The following ATP2B2 variants were observed in gnomAD, a reference collection of about 807,000 sequenced individuals.
ATP2B2 encodes ATPase plasma membrane Ca2+ transporting 2.
Under a neutral mutation model 120.0 loss-of-function variants are expected in ATP2B2, and 15 were observed. The observed-to-expected ratio is 0.12, with a 90% confidence interval of 0.08 to 0.19. ATP2B2 has a LOEUF of 0.19. Ranked by LOEUF, ATP2B2 falls within the 10% of genes least tolerant of loss-of-function variation. The probability of loss-of-function intolerance (pLI) is 1.00; values close to 1 mark genes in which losing one functional copy is unlikely to be tolerated. For synonymous variants in ATP2B2, 694 were observed against 700.3 expected, an observed-to-expected ratio of 0.99 and a Z score of 0.14; for missense variants, 1,045 against 1,719.8, an observed-to-expected ratio of 0.61 and a Z score of 6.94.
At position 10,449,800 on chromosome 3, in the gene ATP2B2, C is replaced by A; in HGVS notation, c.-257G>T. 3.6e-6 allele frequency: 2 copies of A among 548,394 alleles called. No homozygotes were observed. The highest frequency in any genetic ancestry group is 6.6e-6 in the Non-Finnish European group (2 of 303,830). 34.0% of individuals were successfully genotyped at this position (548,394 alleles called of 1,614,324 possible). ...CTCAGGGCTGTAGACCCAGGAGTCT[C>A]CATTCAGTGGGGCCCATGCTGCTCC... On this transcript the variant is annotated 5_prime_UTR_variant, in exon 2 of 23. It introduces an in-frame stop codon into an upstream open reading frame of the 5' UTR. Coordinates refer to ENST00000360273, the MANE Select transcript of ATP2B2 (RefSeq NM_001001331.4).
chr3:10,417,301 C>T (rs2062824694), intron 2 of ATP2B2, among the ~76,000 whole-genome samples: 1 of 151,058 alleles, frequency 6.6e-6, no homozygotes. Flanking sequence ...TCCTCACTTC[C>T]CAGACAGTGG....
chr3:10,489,758 C>T (rs1337277954), intron 1 of ATP2B2, among the ~76,000 whole-genome samples: 1 of 152,192 alleles, frequency 6.6e-6, no homozygotes, highest in Non-Finnish European at 1.5e-5. Flanking sequence ...CACCGTGAGC[C>T]TCCAGCCTCT....
Position 10,568,341 on chromosome 3 carries a change from T to C in ATP2B2, c.-414-34208A>G, listed in dbSNP as rs1022459718. Among the ~76,000 whole-genome samples the C allele has an allele frequency of 2.6e-5, 4 of 152,162 alleles. No homozygotes were observed. The East Asian group carries it at 5.8e-4, about 22-fold the overall frequency. On this transcript the variant is annotated intron_variant, in intron 2 of 21. Coordinates refer to the ATP2B2 transcript ENST00000646379. ...CACAACCATACACCAAAGCCATGAG[T>C]GTCCAGGAGGTTTTCAAAGCAGCTT...
chr3:10,566,583 G>C (rs941469582), intron 2 of ATP2B2: 1 of 152,224 alleles, frequency 6.6e-6, no homozygotes, highest in African/African-American at 2.4e-5. Flanking sequence ...GGATGAATTA[G>C]TTTAGATTGA....
intron 2 of ATP2B2, among the ~76,000 whole-genome samples, chr3:10,585,396 AGGCAGGAGAAT>A: frequency 6.8e-6 from 1 of 146,798 alleles, no homozygotes; most frequent in East Asian, 2.1e-4. Flanking sequence ...TCAGAGGCTG[AGGCAGGAGAAT>A]GGCGTGAACC....
chr3:10,626,123 G>C (rs1340735744), intron 1 of ATP2B2: 1 of 152,114 alleles, frequency 6.6e-6, no homozygotes, highest in Non-Finnish European at 1.5e-5. Context: ...GTGGAGGGAG[G>C]GAAAGAAACA....
rs60670471 is a variant in ATP2B2 at position 10,585,493 on chromosome 3, GAAAAA to G, written c.-415+34419_-415+34423del. On this transcript the variant is annotated intron_variant, in intron 2 of 21. Coordinates refer to the ATP2B2 transcript ENST00000646379. Reference sequence around the variant, plus strand: ...TGGGCGACAGAGCGAGACTCCGTCTGAAAAAAAAAAAAAAAAAAAAAAAAGATCCA... The same window carrying G: ...TGGGCGACAGAGCGAGACTCCGTCTGAAAAAAAAAAAAAAAAAAAGATCCA... Among the ~76,000 whole-genome samples, 27 of 28,508 alleles carry G rather than the reference GAAAAA, an allele frequency of 9.5e-4. No homozygotes were observed. The South Asian group carries it at 0.04, about 43-fold the overall frequency. 18.7% of individuals were successfully genotyped at this position (28,508 alleles called of 152,430 possible). A position where few individuals can be genotyped will look rare whatever the true frequency, so the allele number is the denominator to read the frequency against.
At chr3:10,444,744 G>C (rs1223734817) in intron 2 of ATP2B2, among the ~76,000 whole-genome samples, 1 of 152,230 alleles carries the variant, frequency 6.6e-6, no homozygotes, top group Non-Finnish European at 1.5e-5. Flanking sequence ...GTGTGCAATG[G>C]CTCAGGGCAG....
rs543713200 is a variant in ATP2B2, at chr3:10,512,589, G to C, written c.-320+21450C>G. Among the ~76,000 whole-genome samples, 3 of 152,236 alleles carry C rather than the reference G, an allele frequency of 2.0e-5. No individual in the cohort carries two copies. The East Asian group carries it at 5.8e-4, about 29-fold the overall frequency. Reference sequence around the variant, plus strand: ...TTATTGATGAAGAAACTGAGACTTAGAGAGTGGAGCTAACAAACCCAGTAT... The same window carrying C: ...TTATTGATGAAGAAACTGAGACTTACAGAGTGGAGCTAACAAACCCAGTAT... On this transcript the variant is annotated intron_variant, in intron 3 of 21. Coordinates refer to the ATP2B2 transcript ENST00000646379.
chr3:10,372,728 A>T (rs1296391792), intron 11 of ATP2B2, among the ~76,000 whole-genome samples: 1 of 152,180 alleles, frequency 6.6e-6, no homozygotes, highest in African/African-American at 2.4e-5. Context: ...GTATATCAAC[A>T]TCCTTTTTTT....
At chr3:10,703,461 C>T (rs890243906) in intron 1 of ATP2B2, among the ~76,000 whole-genome samples, 4 of 152,130 alleles carry the variant, frequency 2.6e-5, no homozygotes, top group Non-Finnish European at 5.9e-5. Flanking sequence ...AATTTATATT[C>T]GGCTCCTCTA....
intron 1 of ATP2B2, among the ~76,000 whole-genome samples, chr3:10,487,761 C>T (rs1426960372): frequency 2.6e-5 from 4 of 152,178 alleles, no homozygotes; most frequent in African/African-American, 9.7e-5. Flanking sequence ...GGCCATGGTG[C>T]CAGGCACCAC....
intron 1 of ATP2B2, among the ~76,000 whole-genome samples, chr3:10,483,898 C>A (rs1432872038): frequency 6.6e-6 from 1 of 151,612 alleles, no homozygotes; most frequent in Non-Finnish European, 1.5e-5. Context: ...CAGGGCCGGG[C>A]ACCCAGAGGC....
intron 8 of ATP2B2, among the ~76,000 whole-genome samples, chr3:10,383,936 C>T (rs562019719): frequency 1.3e-5 from 2 of 152,228 alleles, no homozygotes; most frequent in South Asian, 4.2e-4. Flanking sequence ...GTGGGTGCCC[C>T]CTCTAGGTTC....
intron 1 of ATP2B2, among the ~76,000 whole-genome samples, chr3:10,633,219 A>T (rs899921572): frequency 1.1e-4 from 16 of 152,234 alleles, no homozygotes; most frequent in African/African-American, 3.9e-4. Context: ...TGGCTGTCTT[A>T]TAGAATCGCT....
intron 12 of ATP2B2, among the ~76,000 whole-genome samples, chr3:10,365,864 G>GT (rs375935207): frequency 6.7e-6 from 1 of 150,338 alleles, no homozygotes; most frequent in Non-Finnish European, 1.5e-5. Flanking sequence ...TGTGGTGTGT[G>GT]TGTATGTGTC....
At chr3:10,689,785 T>C (rs1366210163) in intron 1 of ATP2B2, among the ~76,000 whole-genome samples, 1 of 152,196 alleles carries the variant, frequency 6.6e-6, no homozygotes, top group African/African-American at 2.4e-5. Context: ...CTGGTGGATG[T>C]GAGTCTCCGA....
intron 1 of ATP2B2, among the ~76,000 whole-genome samples, chr3:10,470,943 C>T (rs553242022): frequency 3.3e-5 from 5 of 152,270 alleles, no homozygotes; most frequent in South Asian, 4.2e-4. Context: ...ACTGACAGCA[C>T]GGGGGACAAC....
At chr3:10,410,477 C>T in intron 3 of ATP2B2, 141 bp downstream of exon 3, 1 of 1,096,922 alleles carries the variant, frequency 9.1e-7, no homozygotes, top group Non-Finnish European at 1.3e-6. Context: ...GCTGTGTTGG[C>T]TATGGGTGGG....
Sources: allele counts gnomAD v4.1 joint callset (sites outside exome capture counted in the v4.1 genomes callset), GRCh38; gene constraint gnomAD v4.1.1; transcripts MANE v1.5; gene names NCBI Gene and HGNC (gene_info 2026-07-23, HGNC 2026-07-21).